Variants in HRK observed in about 807,000 individuals in gnomAD.
The protein encoded by HRK is activator of apoptosis harakiri.
A neutral mutation model predicts 5.9 loss-of-function variants in HRK; 6 were observed. The observed-to-expected ratio is 1.02, with a 90% CI of 0.56 to 2.01. HRK has a LOEUF of 2.01. Ranked by LOEUF, HRK falls within the 30% of genes most tolerant of loss-of-function variation. HRK has a pLI of 0.00. For synonymous variants in HRK, 85 were observed against 65.1 expected (o/e 1.31, Z -1.47); for missense variants, 133 against 128.3 (o/e 1.04, Z -0.18).
chr12:116,866,157 CAA>C (rs10682657), intron 1 of HRK, among the ~76,000 whole-genome samples: 2 of 92,146 alleles, frequency 2.2e-5, no homozygotes, highest in African/African-American at 4.4e-5. Flanking sequence ...GATTCCATCT[CAA>C]AAAAAAAAAA....
intron 1 of HRK, among the ~76,000 whole-genome samples, chr12:116,864,370 A>G (rs2137244606): frequency 6.6e-6 from 1 of 152,220 alleles, no homozygotes; most frequent in Admixed American, 6.5e-5. Flanking sequence ...TGCCTGCTTT[A>G]AATTTGCCTC....
At chr12:116,863,741 C>T (rs1241422020) in intron 1 of HRK, among the ~76,000 whole-genome samples, 1 of 151,778 alleles carries the variant, frequency 6.6e-6, no homozygotes, top group Non-Finnish European at 1.5e-5. Context: ...CTCTGCCACC[C>T]AGGCAGGAGT....
At chr12:116,865,763 C>A (rs773197312) in intron 1 of HRK, among the ~76,000 whole-genome samples, 1 of 151,994 alleles carries the variant, frequency 6.6e-6, no homozygotes, top group Non-Finnish European at 1.5e-5. Context: ...CTTTTTTGTT[C>A]TTTTCCTACC....
intron 1 of HRK, among the ~76,000 whole-genome samples, chr12:116,875,853 T>C (rs1878908322): frequency 1.3e-5 from 2 of 152,130 alleles, no homozygotes; most frequent in Admixed American, 1.3e-4. Flanking sequence ...TGATGTTGCA[T>C]AGTTTCTGAT....
rs537574829 is a variant in HRK, at chr12:116,868,790, G to A, written c.*57-7324C>T. On this transcript the variant is annotated intron_variant, in intron 1 of 1. Transcript: ENST00000257572. ...CCTGAAGGCCAGTGTTGCCCGGGCT[G>A]GGAAGCCCTGATCTAGTGGTTCTCC... Among the ~76,000 whole-genome samples the A allele has an allele frequency of 3.3e-5, 5 of 152,278 alleles. No homozygotes were observed. In the South Asian group the frequency reaches 1.0e-3, roughly 32 times the overall value.
chr12:116,877,756 C>A (rs1331432917), intron 1 of HRK, among the ~76,000 whole-genome samples: 1 of 152,156 alleles, frequency 6.6e-6, no homozygotes, highest in African/African-American at 2.4e-5. Flanking sequence ...CCATTTTTTG[C>A]CCCCATTTTA....
chr12:116,880,249 T>G (rs1879095352), intron 1 of HRK, among the ~76,000 whole-genome samples: 1 of 152,104 alleles, frequency 6.6e-6, no homozygotes, highest in African/African-American at 2.4e-5. Context: ...AGCCCCCTAT[T>G]CCAGCCCACT....
intron 1 of HRK, among the ~76,000 whole-genome samples, chr12:116,865,581 T>C (rs1298046412): frequency 6.6e-6 from 1 of 152,146 alleles, no homozygotes; most frequent in Non-Finnish European, 1.5e-5. Context: ...CCTTGCTATT[T>C]GCACAAGTGA....
intron 1 of HRK, among the ~76,000 whole-genome samples, chr12:116,867,373 A>C (rs1360518783): frequency 6.6e-6 from 1 of 151,410 alleles, no homozygotes; most frequent in East Asian, 2.0e-4. Context: ...CGAACTCCTG[A>C]CCTCAGGTGA....
Position 116,858,574 on chromosome 12 carries a change from TCACACACACACACACACACACACA to T in HRK, c.*2925_*2948del, listed in dbSNP as rs55713149. On this transcript the variant is annotated 3_prime_UTR_variant, in exon 2 of 2. Transcript: ENST00000257572. ...CAGAGGCCTCCCTCTGCTTGTACGG[TCACACACACACACACACACACACA>T]CACACACACACACACACACACACAC... is the stretch of plus-strand genomic sequence containing the variant. 3.3e-5 allele frequency: 4 copies of T among 121,282 alleles called. No homozygotes were observed. The highest frequency in any genetic ancestry group is 8.9e-5 in the African/African-American group (3 of 33,536). The allele number at this position is 121,282 out of a possible 1,614,324, so 7.5% of individuals were successfully genotyped here.
In HRK at chr12:116,858,926, TAATACA is replaced by T; in HGVS notation, c.*2591_*2596del. ...ACATATATATCATGCTTCAATTTCC[TAATACA>T]AATGTCCATCAAGAAGTCAAATCTC... On this transcript the variant is annotated 3_prime_UTR_variant, in exon 2 of 2. Transcript: ENST00000257572. The T allele has an allele frequency of 6.6e-6, 1 of 152,194 alleles. No homozygotes were observed. The highest frequency in any genetic ancestry group is 1.9e-4 in the East Asian group (1 of 5,158). 9.4% of individuals were successfully genotyped at this position (152,194 alleles called of 1,614,324 possible). A position where few individuals can be genotyped will look rare whatever the true frequency, so the allele number is the denominator to read the frequency against.
chr12:116,877,284 G>A (rs1378299245), intron 1 of HRK, among the ~76,000 whole-genome samples: 1 of 151,070 alleles, frequency 6.6e-6, no homozygotes, highest in Non-Finnish European at 1.5e-5. Context: ...TTGAACTCCT[G>A]GGCTCAAGTG....
rs1878229456 is a variant in HRK at position 116,858,257 on chromosome 12, A to T, written c.*3266T>A. ...CGGCCTAGGACCATGGACAGCAGCCATTGGGGCCAATGGGCTCCCCAGAGA... is the reference window on the plus strand; with the variant it reads ...CGGCCTAGGACCATGGACAGCAGCCTTTGGGGCCAATGGGCTCCCCAGAGA... On this transcript the variant is annotated 3_prime_UTR_variant, in exon 2 of 2. Coordinates refer to ENST00000257572, the MANE Select transcript of HRK (RefSeq NM_003806.4). 6.6e-6 allele frequency: 1 copy of T among 151,762 alleles called. No individual in the cohort carries two copies. The highest frequency in any genetic ancestry group is 6.6e-5 in the Admixed American group (1 of 15,248). 9.4% of individuals were successfully genotyped at this position (151,762 alleles called of 1,614,324 possible). A position where few individuals can be genotyped will look rare whatever the true frequency, so the allele number is the denominator to read the frequency against.
At chr12:116,877,429 A>G (rs1256999265) in intron 1 of HRK, among the ~76,000 whole-genome samples, 1 of 152,138 alleles carries the variant, frequency 6.6e-6, no homozygotes, top group African/African-American at 2.4e-5. Context: ...TCCAGTTTAC[A>G]GATAAAGGTG....
chr12:116,859,010 G>A lies in HRK; in HGVS notation c.*2513C>T, dbSNP rs910594955. The A allele has an allele frequency of 6.6e-6, 1 of 152,138 alleles. No homozygotes were observed. The highest frequency in any genetic ancestry group is 2.1e-4 in the South Asian group (1 of 4,820). The allele number at this position is 152,138 out of a possible 1,614,324, so 9.4% of individuals were successfully genotyped here. On this transcript the variant is annotated 3_prime_UTR_variant, in exon 2 of 2. Transcript: ENST00000257572. ...CCGTGTCAAAAATCGGGGCAGTCGA[G>A]AAGTGCACTCCAATGAATGATGTGC...
rs1384571894 is a variant in HRK at position 116,859,805 on chromosome 12, G to C, written c.*1718C>G. The C allele has an allele frequency of 6.6e-6, 1 of 152,326 alleles. No homozygotes were observed. Among genetic ancestry groups the C allele is most frequent in the Admixed American group, 6.5e-5 (1 of 15,298 alleles). 9.4% of individuals were successfully genotyped at this position (152,326 alleles called of 1,614,324 possible). ...GAAATCCAGCTCCCAGCTTGCAGCA[G>C]CACTGAGAGGTTGTACATTCTAAAG... On this transcript the variant is annotated 3_prime_UTR_variant, in exon 2 of 2. Transcript: ENST00000257572.
Position 116,856,182 on chromosome 12 carries a change from A to G in HRK, c.*5341T>C, listed in dbSNP as rs1878137405. On this transcript the variant is annotated 3_prime_UTR_variant, in exon 2 of 2. Coordinates refer to ENST00000257572, the MANE Select transcript of HRK (RefSeq NM_003806.4). This position sits in a 1 kb window ranked among gnomAD's most constrained non-coding sequence, Gnocchi z 4.4. ...TCAGTTTTTTAATAAAGTCATTACA[A>G]ATATGTACAAAGCGTCTCCAAGGTA... is the stretch of plus-strand genomic sequence containing the variant. 1 of 152,212 alleles carries G rather than the reference A, an allele frequency of 6.6e-6. No homozygotes were observed. The highest frequency in any genetic ancestry group is 2.4e-5 in the African/African-American group (1 of 41,448). 9.4% of individuals were successfully genotyped at this position (152,212 alleles called of 1,614,324 possible). A position where few individuals can be genotyped will look rare whatever the true frequency, so the allele number is the denominator to read the frequency against.
Position 116,859,461 on chromosome 12 carries a change from G to T in HRK, c.*2062C>A, listed in dbSNP as rs987840718. 3.3e-5 allele frequency: 5 copies of T among 152,126 alleles called. No homozygotes were observed. The highest frequency in any genetic ancestry group is 5.9e-5 in the Non-Finnish European group (4 of 68,032). 9.4% of individuals were successfully genotyped at this position (152,126 alleles called of 1,614,324 possible). ...AAGAAAGTGATTAAATAGAAGCAGT[G>T]ACTGTATTTCATATTATTCTAATGA... On this transcript the variant is annotated 3_prime_UTR_variant, in exon 2 of 2. Transcript: ENST00000257572.
In HRK at chr12:116,858,306, A is replaced by G. The variant is rs1878232358; in HGVS notation, c.*3217T>C. ...GAAACTTCCTACTCAAGCTACACCAATAACAAAGAGAATAGGAAACGGACC... is the reference window on the plus strand; with the variant it reads ...GAAACTTCCTACTCAAGCTACACCAGTAACAAAGAGAATAGGAAACGGACC... On this transcript the variant is annotated 3_prime_UTR_variant, in exon 2 of 2. Transcript: ENST00000257572. The G allele has an allele frequency of 2.6e-5, 4 of 151,990 alleles. No homozygotes were observed. Among genetic ancestry groups the G allele is most frequent in the Admixed American group, 2.6e-4 (4 of 15,246 alleles). The allele number at this position is 151,990 out of a possible 1,614,324, so 9.4% of individuals were successfully genotyped here. A position where few individuals can be genotyped will look rare whatever the true frequency, so the allele number is the denominator to read the frequency against.
Sources: allele counts gnomAD v4.1 joint callset (sites outside exome capture counted in the v4.1 genomes callset), GRCh38; gene constraint gnomAD v4.1.1; non-coding constraint Gnocchi (gnomAD v3.1); transcripts MANE v1.5; gene names NCBI Gene and HGNC (gene_info 2026-07-23, HGNC 2026-07-21).